The following DSCAM variants were observed in gnomAD, a reference collection of about 807,000 sequenced individuals.
The protein encoded by DSCAM is cell adhesion molecule DSCAM.
Under a neutral mutation model 217.7 loss-of-function variants are expected in DSCAM, and 47 were observed. The ratio of observed to expected loss-of-function variants is 0.22; its 90% CI spans 0.17 to 0.28. The LOEUF (loss-of-function observed/expected upper bound fraction) is 0.28. DSCAM is among the 10% of genes least tolerant of loss of function. DSCAM has a pLI of 1.00. For synonymous variants in DSCAM, 1,056 were observed against 1,015.3 expected, an observed-to-expected ratio of 1.04 and a Z score of -0.76; for missense variants, 2,080 against 2,618.3, an observed-to-expected ratio of 0.79 and a Z score of 4.49.
chr21:40,224,627 T>C (rs2837513), intron 11 of DSCAM, among the ~76,000 whole-genome samples: 15,370 of 152,176 alleles, frequency 0.1, 1,542 homozygotes, highest in African/African-American at 0.26. Flanking sequence ...TAAACTAATA[T>C]TGATGCACAA....
chr21:40,342,739 C>T (rs1278734106), intron 6 of DSCAM, among the ~76,000 whole-genome samples: 30 of 133,378 alleles, frequency 2.2e-4, no homozygotes, highest in African/African-American at 8.4e-4. Flanking sequence ...CAGGTGCACA[C>T]CACGCCTTTT....
intron 9 of DSCAM, among the ~76,000 whole-genome samples, chr21:40,309,844 A>ACTCCT (rs981709664): frequency 6.6e-6 from 1 of 151,712 alleles, no homozygotes; most frequent in African/African-American, 2.4e-5. Flanking sequence ...CCTGTTAACT[A>ACTCCT]CTCTTCTTGC....
chr21:40,100,177 T>C (rs934031078), intron 20 of DSCAM, among the ~76,000 whole-genome samples: 1 of 152,170 alleles, frequency 6.6e-6, no homozygotes, highest in African/African-American at 2.4e-5. Context: ...TCATTAGCTA[T>C]GGATGGTGCA....
At chr21:40,802,393 C>T (rs776484719) in intron 1 of DSCAM, among the ~76,000 whole-genome samples, 24 of 152,164 alleles carry the variant, frequency 1.6e-4, no homozygotes, top group Non-Finnish European at 2.8e-4. Flanking sequence ...TTTCGACTTC[C>T]GAGTTGGTGT....
Position 40,085,643 on chromosome 21 carries a change from TTGTTATTGGCAATGCAGC to T in DSCAM, c.4073_4090del (p.Ser1358_Asn1363del). ...TAAAATAATTTCATCAGATCCCCAG[TTGTTATTGGCAATGCAGC>T]TGTAATAGCCGGAGTCTTCTGCTTT... On this transcript the variant is annotated inframe_deletion, in exon 23 of 33. Transcript: ENST00000400454. 6.3e-7 allele frequency: 1 copy of T among 1,583,950 alleles called. No individual in the cohort carries two copies. The highest frequency in any genetic ancestry group is 8.6e-7 in the Non-Finnish European group (1 of 1,156,632).
At chr21:40,669,391 T>C (rs1470239658) in intron 3 of DSCAM, among the ~76,000 whole-genome samples, 1 of 152,074 alleles carries the variant, frequency 6.6e-6, no homozygotes, top group African/African-American at 2.4e-5. Flanking sequence ...TTGGATACTC[T>C]CAACGTGTAC....
intron 1 of DSCAM, among the ~76,000 whole-genome samples, chr21:40,779,215 T>C (rs914377009): frequency 5.9e-5 from 9 of 152,052 alleles, no homozygotes; most frequent in Non-Finnish European, 1.2e-4. Flanking sequence ...ATGAAAGGTA[T>C]TTTGGGCTGA....
chr21:40,831,776 A>G (rs928084430), intron 1 of DSCAM, among the ~76,000 whole-genome samples: 1 of 152,222 alleles, frequency 6.6e-6, no homozygotes, highest in African/African-American at 2.4e-5. Flanking sequence ...GAAGTGGGTA[A>G]GAGTTAATTA....
At chr21:40,666,612 A>G (rs1055913111) in intron 3 of DSCAM, among the ~76,000 whole-genome samples, 6 of 152,190 alleles carry the variant, frequency 3.9e-5, no homozygotes, top group Admixed American at 6.5e-5. Context: ...ATTCCTTTTT[A>G]TAAGTATGGT....
chr21:40,182,638 GACAGGA>G (rs2090827381), intron 14 of DSCAM, among the ~76,000 whole-genome samples: 2 of 130,008 alleles, frequency 1.5e-5, no homozygotes, highest in Non-Finnish European at 1.6e-5. Flanking sequence ...AGAAACCGTG[GACAGGA>G]GGGGGTTACC....
At chr21:40,446,844 C>G (rs2075679054) in intron 3 of DSCAM, among the ~76,000 whole-genome samples, 1 of 152,080 alleles carries the variant, frequency 6.6e-6, no homozygotes, top group Non-Finnish European at 1.5e-5. Flanking sequence ...AATATAAATC[C>G]CTATGACTTT....
chr21:40,085,836 C>T lies in DSCAM; in HGVS notation c.3969-71G>A, dbSNP rs1316473058. On this transcript the variant is annotated intron_variant, in intron 22 of 32. Coordinates refer to ENST00000400454, the MANE Select transcript of DSCAM (RefSeq NM_001389.5). ...CAAATTAGCTGAGGTTGGGGAAAAACAGAAAGACTCTGTGAAGCAAACCAC... is the reference window on the plus strand; with the variant it reads ...CAAATTAGCTGAGGTTGGGGAAAAATAGAAAGACTCTGTGAAGCAAACCAC... 3.2e-5 allele frequency: 42 copies of T among 1,322,638 alleles called. No homozygotes were observed. In the East Asian group the frequency reaches 1.0e-3, roughly 33 times the overall value. The allele number at this position is 1,322,638 out of a possible 1,614,324, so 81.9% of individuals were successfully genotyped here.
At chr21:40,311,493 C>T (rs573199455) in intron 9 of DSCAM, among the ~76,000 whole-genome samples, 19 of 152,240 alleles carry the variant, frequency 1.2e-4, no homozygotes, top group Middle Eastern at 3.4e-3. Flanking sequence ...TTAGCCTACC[C>T]TATTTTAATT....
chr21:40,548,876 A>G (rs1466969850), intron 3 of DSCAM, among the ~76,000 whole-genome samples: 1 of 152,198 alleles, frequency 6.6e-6, no homozygotes, highest in Non-Finnish European at 1.5e-5. Flanking sequence ...TTAAAAATCT[A>G]GTGCATTTTC....
chr21:40,832,487 A>C (rs941137668), intron 1 of DSCAM, among the ~76,000 whole-genome samples: 3 of 152,154 alleles, frequency 2.0e-5, no homozygotes, highest in Non-Finnish European at 2.9e-5. Flanking sequence ...GTATGTGACA[A>C]TCTATGCAGA....
chr21:40,189,762 G>A (rs553138693), intron 11 of DSCAM, among the ~76,000 whole-genome samples: 2 of 152,260 alleles, frequency 1.3e-5, no homozygotes, highest in Non-Finnish European at 2.9e-5. Context: ...TGTAGGATGT[G>A]ACTTGCTCCT....
At chr21:40,432,337 A>T (rs1333278958) in intron 3 of DSCAM, among the ~76,000 whole-genome samples, 2 of 152,108 alleles carry the variant, frequency 1.3e-5, no homozygotes, top group African/African-American at 4.8e-5. Context: ...TGCCTCTTCC[A>T]CCTTCCAGAG....
At chr21:40,262,172 C>T (rs1312699136) in intron 11 of DSCAM, among the ~76,000 whole-genome samples, 2 of 152,150 alleles carry the variant, frequency 1.3e-5, no homozygotes, top group African/African-American at 4.8e-5. Flanking sequence ...TTGCTAGAAT[C>T]TTGATCCTGG....
At position 40,609,689 on chromosome 21, in the gene DSCAM, T is replaced by C. The variant is rs147173959; in HGVS notation, c.508+83121A>G. Reference sequence around the variant, plus strand: ...AGGGGAGAGCATTGTTAGGACTGAATTGTTGGGGAAGATGGTAAAAAAGAT... The same window carrying C: ...AGGGGAGAGCATTGTTAGGACTGAACTGTTGGGGAAGATGGTAAAAAAGAT... On this transcript the variant is annotated intron_variant, in intron 3 of 32. Coordinates refer to ENST00000400454, the MANE Select transcript of DSCAM (RefSeq NM_001389.5). 1.8e-4 allele frequency among the ~76,000 whole-genome samples: 27 copies of C among 152,212 alleles called. No homozygotes were observed. The East Asian group carries it at 5.0e-3, about 28-fold the overall frequency.
Sources: allele counts gnomAD v4.1 joint callset (sites outside exome capture counted in the v4.1 genomes callset), GRCh38; gene constraint gnomAD v4.1.1; transcripts MANE v1.5; gene names NCBI Gene and HGNC (gene_info 2026-07-23, HGNC 2026-07-21).